INPP4B: variants seen among roughly 807,000 people sequenced by gnomAD.
The protein encoded by INPP4B is inositol polyphosphate-4-phosphatase type II B, also known as inositol polyphosphate 4-phosphatase type II.
Under a neutral mutation model 122.5 loss-of-function variants are expected in INPP4B, and 55 were observed. The ratio of observed to expected loss-of-function variants is 0.45; its 90% CI spans 0.36 to 0.56. The LOEUF is 0.56. Ranked by LOEUF, INPP4B falls within the 20% of genes least tolerant of loss-of-function variation. The pLI is 0.00. For synonymous variants in INPP4B, 403 were observed against 388.7 expected (o/e 1.04, Z -0.43); for missense variants, 1,000 against 1,097.7 (o/e 0.91, Z 1.26).
chr4:142,546,635 G>T (rs1278329463), intron 2 of INPP4B, among the ~76,000 whole-genome samples: 9 of 152,158 alleles, frequency 5.9e-5, no homozygotes, highest in Non-Finnish European at 1.5e-5. Flanking sequence ...TAGTGAAAGT[G>T]CCAGTGCTTA....
chr4:142,367,541 A>G (rs986188543), intron 7 of INPP4B, among the ~76,000 whole-genome samples: 4 of 152,084 alleles, frequency 2.6e-5, no homozygotes, highest in African/African-American at 9.7e-5. Context: ...CACGAAGAGG[A>G]AACTGAAGCT....
chr4:142,029,858 T>C, intron 25 of INPP4B: 1 of 1,077,304 alleles, frequency 9.3e-7, no homozygotes, highest in South Asian at 3.5e-5. Flanking sequence ...TTCAGGATTC[T>C]GTTCTTTGTC....
rs1274617623 is a variant in INPP4B, at chr4:142,725,822, T to A, written c.-191+17A>T. On this transcript the variant is annotated intron_variant, in intron 2 of 25. Transcript: ENST00000262992. ...GTTATACAGAATGAAAAAATATCAA[T>A]TCAAAATAAGCATTACCTTTGTCTA... 4.0e-4 allele frequency: 161 copies of A among 397,778 alleles called. No homozygotes were observed. Among genetic ancestry groups the A allele is most frequent in the Non-Finnish European group, 4.0e-5 (9 of 225,624 alleles). 24.6% of individuals were successfully genotyped at this position (397,778 alleles called of 1,614,324 possible).
At chr4:142,289,189 G>A (rs1755235201) in intron 9 of INPP4B, among the ~76,000 whole-genome samples, 1 of 152,060 alleles carries the variant, frequency 6.6e-6, no homozygotes. Context: ...AAAATATGGT[G>A]ATGATTTTTC....
intron 17 of INPP4B, among the ~76,000 whole-genome samples, chr4:142,153,038 T>C (rs1231793463): frequency 6.6e-6 from 1 of 152,218 alleles, no homozygotes; most frequent in Non-Finnish European, 1.5e-5. Context: ...ACCAAGTTCC[T>C]ACTCTGAATG....
At chr4:142,551,584 A>C (rs1727986236) in intron 2 of INPP4B, among the ~76,000 whole-genome samples, 1 of 152,160 alleles carries the variant, frequency 6.6e-6, no homozygotes, top group Non-Finnish European at 1.5e-5. Context: ...ATAATTTGTG[A>C]TATACACAAA....
intron 3 of INPP4B, among the ~76,000 whole-genome samples, chr4:142,445,470 T>G (rs1283145430): frequency 1.3e-5 from 2 of 152,330 alleles, no homozygotes; most frequent in African/African-American, 4.8e-5. Flanking sequence ...AATACTAACA[T>G]GCACATTATA....
At chr4:142,612,372 T>C (rs1440691800) in intron 2 of INPP4B, among the ~76,000 whole-genome samples, 1 of 152,256 alleles carries the variant, frequency 6.6e-6, no homozygotes, top group Admixed American at 6.5e-5. Context: ...ACATAGTGTG[T>C]AGAGACTGCT....
At chr4:142,638,444 T>C (rs1749637036) in intron 2 of INPP4B, among the ~76,000 whole-genome samples, 1 of 152,214 alleles carries the variant, frequency 6.6e-6, no homozygotes, top group Non-Finnish European at 1.5e-5. Context: ...AGATCATCTT[T>C]GATCCATTGT....
Position 142,581,248 on chromosome 4 carries a change from G to T in INPP4B, c.-190-118522C>A, listed in dbSNP as rs574359540. Among the ~76,000 whole-genome samples the T allele has an allele frequency of 2.0e-5, 3 of 152,074 alleles. No individual in the cohort carries two copies. The East Asian group carries it at 5.8e-4, about 29-fold the overall frequency. Reference sequence around the variant, plus strand: ...GTACATATTTTATATTTCTCAAAAAGCTTTAGAGGCTGTTTCTCCAAGTTT... The same window carrying T: ...GTACATATTTTATATTTCTCAAAAATCTTTAGAGGCTGTTTCTCCAAGTTT... On this transcript the variant is annotated intron_variant, in intron 2 of 25. Transcript: ENST00000262992.
intron 5 of INPP4B, among the ~76,000 whole-genome samples, chr4:142,408,612 A>T (rs1803951858): frequency 6.6e-6 from 1 of 152,188 alleles, no homozygotes; most frequent in East Asian, 1.9e-4. Context: ...TCATTAACCA[A>T]ATATAATTCT....
chr4:142,523,476 A>G (rs913074712), intron 2 of INPP4B, among the ~76,000 whole-genome samples: 1 of 152,040 alleles, frequency 6.6e-6, no homozygotes, highest in Non-Finnish European at 1.5e-5. Context: ...TATTTTGCTG[A>G]AAAGCTTCCC....
At chr4:142,440,113 A>G (rs1002143106) in intron 3 of INPP4B, among the ~76,000 whole-genome samples, 5 of 152,264 alleles carry the variant, frequency 3.3e-5, no homozygotes, top group Admixed American at 6.5e-5. Context: ...AGATAAATCT[A>G]TTCATCCATT....
chr4:142,757,539 A>G (rs1770678607), intron 1 of INPP4B, among the ~76,000 whole-genome samples: 1 of 152,130 alleles, frequency 6.6e-6, no homozygotes. Context: ...TACAGCATAT[A>G]ACCTTTTCAT....
At chr4:142,824,297 T>A (rs569977754) in intron 1 of INPP4B, among the ~76,000 whole-genome samples, 2 of 120,712 alleles carry the variant, frequency 1.7e-5, no homozygotes, top group African/African-American at 9.9e-5. Flanking sequence ...ACCTATCTAT[T>A]ATCTATCTGT....
chr4:142,115,563 GCTT>G (rs1792779675), intron 21 of INPP4B, among the ~76,000 whole-genome samples: 3 of 152,142 alleles, frequency 2.0e-5, no homozygotes, highest in African/African-American at 7.2e-5. Flanking sequence ...GCCAAACTAA[GCTT>G]CATAAGTGGA....
chr4:142,464,431 T>C (rs980173633), intron 2 of INPP4B, among the ~76,000 whole-genome samples: 1 of 152,138 alleles, frequency 6.6e-6, no homozygotes, highest in Non-Finnish European at 1.5e-5. Context: ...TTCTCATTCA[T>C]ATTATCATAT....
chr4:142,067,366 T>A (rs1357431240), intron 25 of INPP4B, among the ~76,000 whole-genome samples: 1 of 152,108 alleles, frequency 6.6e-6, no homozygotes, highest in Non-Finnish European at 1.5e-5. Flanking sequence ...ACCACAAAGA[T>A]GGGGATAAAC....
chr4:142,186,382 T>C (rs781653187), intron 15 of INPP4B, among the ~76,000 whole-genome samples: 2 of 152,146 alleles, frequency 1.3e-5, no homozygotes, highest in Non-Finnish European at 2.9e-5. Context: ...AAAGACAGTA[T>C]GTGACAATCA....
Sources: gnomAD v4.1 joint callset for allele counts (sites outside exome capture counted in the v4.1 genomes callset) on GRCh38, gnomAD v4.1.1 for gene constraint, MANE v1.5 for transcripts, NCBI Gene and HGNC (gene_info 2026-07-23, HGNC 2026-07-21) for gene names.